CFAP61: variants seen among roughly 807,000 people sequenced by gnomAD.
CFAP61 encodes the protein cilia and flagella associated protein 61.
CFAP61 carries 107 observed loss-of-function variants against 135.6 expected under a neutral mutation model. That is an observed-to-expected ratio of 0.79 (90% CI 0.67 to 0.93). CFAP61 has a LOEUF of 0.93. Ranked by LOEUF, CFAP61 falls within the 40% of genes least tolerant of loss-of-function variation. CFAP61 has a pLI of 0.00. For synonymous variants in CFAP61, 575 were observed against 578.5 expected (o/e 0.99, Z 0.09); for missense variants, 1,507 against 1,556.2 (o/e 0.97, Z 0.53).
chr20:20,320,391 T>A (rs2057403993), intron 25 of CFAP61, among the ~76,000 whole-genome samples: 1 of 8,228 alleles, frequency 1.2e-4, no homozygotes, highest in Non-Finnish European at 6.3e-4. Flanking sequence ...ATGTAATATA[T>A]ATAATATATG....
intron 26 of CFAP61, among the ~76,000 whole-genome samples, chr20:20,346,430 T>A (rs1306098212): frequency 6.7e-6 from 1 of 149,692 alleles, no homozygotes; most frequent in Non-Finnish European, 1.5e-5. Context: ...AGGTAGGAGA[T>A]TTGCTTGAAC....
chr20:20,098,504 G>T, intron 7 of CFAP61, 151 bp from the exon 8 acceptor site: 1 of 635,316 alleles, frequency 1.6e-6, no homozygotes, highest in Non-Finnish European at 2.5e-6. Context: ...CAGCTCTGCG[G>T]GAGGCTGGGG....
At chr20:20,281,234 A>G (rs1243369952) in intron 22 of CFAP61, among the ~76,000 whole-genome samples, 1 of 152,056 alleles carries the variant, frequency 6.6e-6, no homozygotes, top group African/African-American at 2.4e-5. Context: ...TAGGTCTTTT[A>G]TTTCAGTTAC....
At chr20:20,102,730 C>G (rs538695902) in intron 8 of CFAP61, among the ~76,000 whole-genome samples, 1 of 152,070 alleles carries the variant, frequency 6.6e-6, no homozygotes, top group African/African-American at 2.4e-5. Context: ...TTCCCTGTCT[C>G]TTTCCTCACT....
At chr20:20,166,717 T>A (rs1434471496) in intron 12 of CFAP61, among the ~76,000 whole-genome samples, 1 of 143,364 alleles carries the variant, frequency 7.0e-6, no homozygotes, top group Non-Finnish European at 1.5e-5. Context: ...TACATGAAAA[T>A]GTTGGAAATT....
chr20:20,277,556 T>A (rs1262644207), intron 22 of CFAP61, 98 bp downstream of exon 22: 7 of 1,300,592 alleles, frequency 5.4e-6, no homozygotes, highest in Non-Finnish European at 6.4e-6. Flanking sequence ...GAATTTGTAG[T>A]ACCAGATGTT....
In CFAP61 at chr20:20,189,073, C is replaced by T. The variant is rs142473579; in HGVS notation, c.1512+1017C>T. Among the ~76,000 whole-genome samples, 932 of 152,274 alleles carry T rather than the reference C, an allele frequency of 6.1e-3. 5 individuals carry two copies. Among genetic ancestry groups the T allele is most frequent in the Middle Eastern group, 0.01 (3 of 294 alleles). ...ATATACCACCATTTATTTCTTCATT[C>T]TACTGTTGAGGTCTTTCAGGGAGTT... is the stretch of plus-strand genomic sequence containing the variant. On this transcript the variant is annotated intron_variant, in intron 14 of 26. Coordinates refer to ENST00000245957, the MANE Select transcript of CFAP61 (RefSeq NM_015585.4).
intron 2 of CFAP61, among the ~76,000 whole-genome samples, chr20:20,058,352 C>A (rs888862003): frequency 1.4e-4 from 21 of 152,320 alleles, no homozygotes; most frequent in African/African-American, 5.1e-4. Context: ...AAGCTAAGGA[C>A]TGTGTAGGGA....
chr20:20,086,719 G>A (rs1393046257), intron 6 of CFAP61, among the ~76,000 whole-genome samples: 1 of 152,168 alleles, frequency 6.6e-6, no homozygotes, highest in Non-Finnish European at 1.5e-5. Context: ...TTGCTGCTGG[G>A]TTACATGCTA....
Position 20,200,687 on chromosome 20 carries a change from A to G in CFAP61, c.1932+785A>G, listed in dbSNP as rs377182975. 6 of 985,104 alleles carry G rather than the reference A, an allele frequency of 6.1e-6. No homozygotes were observed. In the East Asian group the frequency reaches 5.7e-4, roughly 93 times the overall value. The allele number at this position is 985,104 out of a possible 1,614,324, so 61.0% of individuals were successfully genotyped here. A position where few individuals can be genotyped will look rare whatever the true frequency, so the allele number is the denominator to read the frequency against. On this transcript the variant is annotated intron_variant, in intron 17 of 26. Transcript: ENST00000245957. The stretch of plus-strand genomic sequence containing the variant: ...TAACATTTGTCCTTTGTGAGACAGG[A>G]AAAAAGGAAAGTGTAAGTTTAAACT...
chr20:20,260,636 T>C (rs2052094120), intron 20 of CFAP61, among the ~76,000 whole-genome samples: 1 of 152,232 alleles, frequency 6.6e-6, no homozygotes, highest in South Asian at 2.1e-4. Flanking sequence ...TTCAAGATTG[T>C]AGTGAGCTAA....
At chr20:20,237,330 C>G (rs2146962047) in intron 18 of CFAP61, among the ~76,000 whole-genome samples, 1 of 152,226 alleles carries the variant, frequency 6.6e-6, no homozygotes, top group South Asian at 2.1e-4. Context: ...TGCTCCTTGC[C>G]CCGTTTCTCC....
At chr20:20,346,780 T>C (rs1365641961) in intron 26 of CFAP61, among the ~76,000 whole-genome samples, 1 of 152,150 alleles carries the variant, frequency 6.6e-6, no homozygotes, top group Non-Finnish European at 1.5e-5. Context: ...AAAAGCAGAA[T>C]TGAAAGAAGA....
At chr20:20,141,581 A>G (rs2146748832) in intron 8 of CFAP61, among the ~76,000 whole-genome samples, 1 of 152,302 alleles carries the variant, frequency 6.6e-6, no homozygotes, top group African/African-American at 2.4e-5. Flanking sequence ...TGTGCCTTCA[A>G]CATTATGTAC....
chr20:20,234,350 A>C (rs989905389), intron 18 of CFAP61, among the ~76,000 whole-genome samples: 7 of 152,092 alleles, frequency 4.6e-5, no homozygotes, highest in African/African-American at 1.7e-4. Context: ...GAGTGCCCTT[A>C]TGGTCCCTTA....
At chr20:20,070,218 A>G (rs1398998253) in intron 2 of CFAP61, among the ~76,000 whole-genome samples, 1 of 152,226 alleles carries the variant, frequency 6.6e-6, no homozygotes, top group Non-Finnish European at 1.5e-5. Flanking sequence ...AGCTTAAGCA[A>G]GACCCCTGGG....
At chr20:20,200,829 C>CT (rs1281362648) in intron 17 of CFAP61, 2 of 985,318 alleles carry the variant, frequency 2.0e-6, no homozygotes, top group Non-Finnish European at 2.4e-6. Context: ...GCCTGTCTTA[C>CT]TTGTGCGTGC....
chr20:20,358,446 T>C (rs896864875), intron 26 of CFAP61, among the ~76,000 whole-genome samples: 1 of 152,200 alleles, frequency 6.6e-6, no homozygotes, highest in Non-Finnish European at 1.5e-5. Flanking sequence ...CAATATGAGC[T>C]CAAAATCTTG....
chr20:20,217,356 T>A (rs2048105929), intron 17 of CFAP61, among the ~76,000 whole-genome samples: 1 of 152,198 alleles, frequency 6.6e-6, no homozygotes, highest in African/African-American at 2.4e-5. Flanking sequence ...GCTGAAAGAC[T>A]AAAATTGTGC....
Sources: gnomAD v4.1 joint callset for allele counts (sites outside exome capture counted in the v4.1 genomes callset) on GRCh38, gnomAD v4.1.1 for gene constraint, MANE v1.5 for transcripts, NCBI Gene and HGNC (gene_info 2026-07-23, HGNC 2026-07-21) for gene names.